Variants in RAB3GAP1 observed in about 807,000 individuals in gnomAD.
RAB3GAP1 encodes the protein RAB3 GTPase activating protein catalytic subunit 1, also known as rab3 GTPase-activating protein catalytic subunit.
RAB3GAP1 carries 86 observed loss-of-function variants against 130.7 expected under a neutral mutation model. The observed-to-expected ratio is 0.66, with a 90% CI of 0.55 to 0.79. RAB3GAP1 has a LOEUF of 0.79. Ranked by LOEUF, RAB3GAP1 falls within the 30% of genes least tolerant of loss-of-function variation. RAB3GAP1 has a pLI of 0.00. For missense variants in RAB3GAP1, 1,029 were observed against 1,169.4 expected (o/e 0.88, Z 1.75); for synonymous variants, 367 against 401.7 (o/e 0.91, Z 1.03).
rs184802917 is a variant in RAB3GAP1, at chr2:135,091,205, G to T, written c.283+75G>T. The T allele has an allele frequency of 4.8e-4, 662 of 1,379,772 alleles. 7 individuals carry two copies. In the East Asian group the frequency reaches 0.014, roughly 29 times the overall value. 85.5% of individuals were successfully genotyped at this position (1,379,772 alleles called of 1,614,324 possible). Reference sequence around the variant, plus strand: ...TGTAATTTTGAATTATTAATTTAGTGTTCTTCCATAGTGTCAGTTTCTCTG... The same window carrying T: ...TGTAATTTTGAATTATTAATTTAGTTTTCTTCCATAGTGTCAGTTTCTCTG... On this transcript the variant is annotated intron_variant, in intron 4 of 23. Transcript: ENST00000264158.
intron 3 of RAB3GAP1, among the ~76,000 whole-genome samples, chr2:135,085,228 A>G (rs1010020302): frequency 7.9e-5 from 12 of 152,200 alleles, no homozygotes; most frequent in African/African-American, 2.7e-4. Flanking sequence ...TAATTATGTT[A>G]CATTTTTATA....
intron 4 of RAB3GAP1, 123 bp downstream of exon 4, chr2:135,091,253 T>C (rs1012784486): frequency 4.7e-6 from 4 of 858,202 alleles, no homozygotes; most frequent in Non-Finnish European, 5.4e-6. Context: ...ATAAGCAAAG[T>C]TGTTTCACCA....
intron 3 of RAB3GAP1, among the ~76,000 whole-genome samples, chr2:135,077,331 A>G (rs1424934164): frequency 1.3e-5 from 2 of 152,064 alleles, no homozygotes; most frequent in Non-Finnish European, 1.5e-5. Flanking sequence ...TGTTGCTTCT[A>G]TAGACTATTG....
chr2:135,070,184 C>T (rs1574081824), intron 3 of RAB3GAP1, among the ~76,000 whole-genome samples: 2 of 152,226 alleles, frequency 1.3e-5, no homozygotes, highest in Non-Finnish European at 2.9e-5. Flanking sequence ...CCTTTAAAAA[C>T]CTGTTTGTAA....
chr2:135,063,059 C>T (rs1326896214), intron 3 of RAB3GAP1, among the ~76,000 whole-genome samples: 1 of 152,106 alleles, frequency 6.6e-6, no homozygotes, highest in Non-Finnish European at 1.5e-5. Context: ...AGAACTGCTG[C>T]AAGTAGACAT....
rs1476504835 is a variant in RAB3GAP1 at position 135,169,764 on chromosome 2, C to T, written c.*983C>T. ...ATAATCGATGGGGATGTGTAGCCCC[C>T]CCGTGTGAGGATGACATCACCACAT... On this transcript the variant is annotated 3_prime_UTR_variant, in exon 24 of 24. Coordinates refer to ENST00000264158, the MANE Select transcript of RAB3GAP1 (RefSeq NM_012233.3). 1 of 455,602 alleles carries T rather than the reference C, an allele frequency of 2.2e-6. No individual in the cohort carries two copies. Among genetic ancestry groups the T allele is most frequent in the Non-Finnish European group, 4.4e-6 (1 of 226,496 alleles). The allele number at this position is 455,602 out of a possible 1,614,324, so 28.2% of individuals were successfully genotyped here.
intron 3 of RAB3GAP1, among the ~76,000 whole-genome samples, chr2:135,078,028 C>G (rs898525327): frequency 1.3e-5 from 2 of 152,082 alleles, no homozygotes; most frequent in Non-Finnish European, 2.9e-5. Context: ...GTACTTGATG[C>G]ACAAAAGTTT....
intron 19 of RAB3GAP1, among the ~76,000 whole-genome samples, chr2:135,160,529 G>A (rs544098995): frequency 3.3e-5 from 5 of 151,788 alleles, no homozygotes; most frequent in Admixed American, 1.3e-4. Context: ...AAAATTGGCC[G>A]GGCAGTAGTG....
Position 135,141,849 on chromosome 2 carries a change from A to G in RAB3GAP1, c.1923+5917A>G, listed in dbSNP as rs145395192. Among the ~76,000 whole-genome samples, 117 of 152,208 alleles carry G rather than the reference A, an allele frequency of 7.7e-4. 3 individuals carry two copies. In the East Asian group the frequency reaches 0.02, roughly 26 times the overall value. On this transcript the variant is annotated intron_variant, in intron 17 of 23. Coordinates refer to ENST00000264158, the MANE Select transcript of RAB3GAP1 (RefSeq NM_012233.3). ...AGTGGCAGTGATATCTTTGATGTAA[A>G]TCAAGCAACTGTATGTGTTTTGGTC... is the stretch of plus-strand genomic sequence containing the variant.
intron 17 of RAB3GAP1, among the ~76,000 whole-genome samples, chr2:135,148,863 T>C (rs1428252592): frequency 6.6e-6 from 1 of 151,922 alleles, no homozygotes; most frequent in Non-Finnish European, 1.5e-5. Context: ...TAGATTCTCT[T>C]TTCTGTTTGC....
At chr2:135,163,314 A>C (rs1316259903) in intron 22 of RAB3GAP1, among the ~76,000 whole-genome samples, 1 of 152,168 alleles carries the variant, frequency 6.6e-6, no homozygotes, top group Non-Finnish European at 1.5e-5. Context: ...CCACTTTTAG[A>C]AACAGTCTCC....
chr2:135,052,613 C>G (rs1159561162), intron 2 of RAB3GAP1, 128 bp downstream of exon 2: 2 of 1,090,582 alleles, frequency 1.8e-6, no homozygotes, highest in Non-Finnish European at 2.8e-6. Flanking sequence ...GGTCCCGGGT[C>G]TCCTCCCCCA....
intron 3 of RAB3GAP1, among the ~76,000 whole-genome samples, chr2:135,080,975 T>C (rs975487745): frequency 3.3e-5 from 5 of 152,200 alleles, no homozygotes; most frequent in Non-Finnish European, 7.3e-5. Context: ...TTTTGTTCAA[T>C]GATTAGAAAC....
chr2:135,117,805 C>CTTCT (rs1167127909), intron 7 of RAB3GAP1, among the ~76,000 whole-genome samples: 1 of 147,496 alleles, frequency 6.8e-6, no homozygotes, highest in Non-Finnish European at 1.5e-5. Context: ...TCTTCTTCTT[C>CTTCT]TTCTTTCTTC....
intron 19 of RAB3GAP1, 177 bp from the exon 20 acceptor site, chr2:135,162,378 T>A (rs1256652706): frequency 3.1e-6 from 2 of 652,568 alleles, no homozygotes; most frequent in Admixed American, 4.6e-5. Flanking sequence ...TATTAAAGAT[T>A]GAAGTTCTTA....
At chr2:135,101,151 A>G (rs1240668247) in intron 5 of RAB3GAP1, among the ~76,000 whole-genome samples, 1 of 152,164 alleles carries the variant, frequency 6.6e-6, no homozygotes, top group Non-Finnish European at 1.5e-5. Context: ...ACTAATGTGA[A>G]CCAGACATCT....
chr2:135,147,172 CCT>C (rs1183088118), intron 17 of RAB3GAP1, among the ~76,000 whole-genome samples: 1 of 151,828 alleles, frequency 6.6e-6, no homozygotes, highest in African/African-American at 2.4e-5. Context: ...ATGACGAAAC[CCT>C]GTCTGTACTA....
rs1183700392 is a variant in RAB3GAP1, at chr2:135,103,560, A to T, written c.363-9591A>T. Among the ~76,000 whole-genome samples the T allele has an allele frequency of 2.0e-5, 3 of 152,114 alleles. No individual in the cohort carries two copies. In the East Asian group the frequency reaches 5.8e-4, roughly 29 times the overall value. On this transcript the variant is annotated intron_variant, in intron 5 of 23. Coordinates refer to ENST00000264158, the MANE Select transcript of RAB3GAP1 (RefSeq NM_012233.3). ...ATTTTTTTAAAAGGCATTAAACTGG[A>T]CAGAACTGTCAAAAAACAACCATTT... is the stretch of plus-strand genomic sequence containing the variant.
chr2:135,082,173 A>AAATG (rs1689844340), intron 3 of RAB3GAP1, among the ~76,000 whole-genome samples: 1 of 116,596 alleles, frequency 8.6e-6, no homozygotes, highest in South Asian at 3.2e-4. Flanking sequence ...ATAAATAAAT[A>AAATG]AAGATTTTAA....
Sources: allele counts gnomAD v4.1 joint callset (sites outside exome capture counted in the v4.1 genomes callset), GRCh38; gene constraint gnomAD v4.1.1; transcripts MANE v1.5; gene names NCBI Gene and HGNC (gene_info 2026-07-23, HGNC 2026-07-21).